SLCO3A1: variants seen among roughly 807,000 people sequenced by gnomAD.
The protein encoded by SLCO3A1 is solute carrier organic anion transporter family member 3A1, also known as PGE1 transporter.
A neutral mutation model predicts 63.1 loss-of-function variants in SLCO3A1; 27 were observed. That is an observed-to-expected ratio of 0.43 (90% CI 0.32 to 0.59). SLCO3A1 has a LOEUF of 0.59. SLCO3A1 is among the 20% of genes least tolerant of loss of function. The pLI, the probability that SLCO3A1 is intolerant of heterozygous loss-of-function variation, is 0.09. For synonymous variants in SLCO3A1, 473 were observed against 409.9 expected (o/e 1.15, Z -1.86); for missense variants, 773 against 945.8 (o/e 0.82, Z 2.40).
intron 7 of SLCO3A1, among the ~76,000 whole-genome samples, chr15:92,130,898 A>C (rs1388098942): frequency 6.6e-6 from 1 of 151,638 alleles, no homozygotes; most frequent in Non-Finnish European, 1.5e-5. Context: ...AAAAAAAAAA[A>C]AAAAAAAAAA....
Position 91,863,545 on chromosome 15 carries a change from GT to G in SLCO3A1, c.180+9458del, listed in dbSNP as rs1897096814. ...GTGGGATGCTTTGCATAAGCAGCAT[GT>G]ATTCCAGTGTGGCACATCACACCAT... On this transcript the variant is annotated intron_variant, in intron 1 of 9. Transcript: ENST00000318445. This position sits in a 1 kb window ranked among gnomAD's most constrained non-coding sequence, Gnocchi z 4.3. 6.6e-6 allele frequency among the ~76,000 whole-genome samples: 1 copy of G among 152,236 alleles called. No individual in the cohort carries two copies. Among genetic ancestry groups the G allele is most frequent in the Admixed American group, 6.5e-5 (1 of 15,284 alleles).
intron 4 of SLCO3A1, among the ~76,000 whole-genome samples, chr15:92,106,713 G>T (rs1015553784): frequency 2.0e-5 from 3 of 152,184 alleles, no homozygotes; most frequent in African/African-American, 4.8e-5. Context: ...ACAGGACCAG[G>T]TCTGCAAGTC....
At chr15:92,171,884 C>G (rs1460525499) in exon 11 of SLCO3A1, 24 of 1,535,678 alleles carry the variant, frequency 1.6e-5, no homozygotes, top group Non-Finnish European at 2.0e-5. Flanking sequence ...TCTTCCTCTT[C>G]CTGGAGAGAA....
At chr15:92,117,722 C>T (rs1303014059) in intron 4 of SLCO3A1, among the ~76,000 whole-genome samples, 1 of 152,182 alleles carries the variant, frequency 6.6e-6, no homozygotes, top group East Asian at 1.9e-4. Flanking sequence ...GAACGTGCCA[C>T]ACAGTATAGC....
chr15:91,874,656 G>A lies in SLCO3A1; in HGVS notation c.180+20568G>A, dbSNP rs139968449. On this transcript the variant is annotated intron_variant, in intron 1 of 9. Transcript: ENST00000318445. ...CAGTCGTCTGTCGATGGACACTTCCGTTGCTTCCACATGTTGGCTATTGTG... is the reference window on the plus strand; with the variant it reads ...CAGTCGTCTGTCGATGGACACTTCCATTGCTTCCACATGTTGGCTATTGTG... Among the ~76,000 whole-genome samples, 726 of 152,278 alleles carry A rather than the reference G, an allele frequency of 4.8e-3. 5 individuals are homozygous for A. The highest frequency in any genetic ancestry group is 0.017 in the African/African-American group (695 of 41,534).
At chr15:91,899,720 C>T (rs145221761) in intron 1 of SLCO3A1, among the ~76,000 whole-genome samples, 1 of 152,266 alleles carries the variant, frequency 6.6e-6, no homozygotes, top group East Asian at 1.9e-4. Context: ...AGTTTTAAAA[C>T]ATTCCATCCT....
chr15:92,018,149 C>T (rs2046462705), intron 2 of SLCO3A1, among the ~76,000 whole-genome samples: 1 of 152,180 alleles, frequency 6.6e-6, no homozygotes, highest in African/African-American at 2.4e-5. Flanking sequence ...GATGTGAGGC[C>T]AGGCCTTGGG....
intron 2 of SLCO3A1, among the ~76,000 whole-genome samples, chr15:92,053,565 C>G (rs935290339): frequency 1.3e-5 from 2 of 152,144 alleles, no homozygotes; most frequent in African/African-American, 4.8e-5. Flanking sequence ...TTTGGCTCCT[C>G]TTGGCTGTGA....
chr15:92,076,091 C>T (rs1166858062), intron 2 of SLCO3A1, among the ~76,000 whole-genome samples: 1 of 152,218 alleles, frequency 6.6e-6, no homozygotes, highest in Non-Finnish European at 1.5e-5. Flanking sequence ...TTTCACCAGG[C>T]TTCAAAATCA....
rs1287369592 is a variant in SLCO3A1, at chr15:91,885,988, C to G, written c.181-30005C>G. On this transcript the variant is annotated intron_variant, in intron 1 of 9. Coordinates refer to ENST00000318445, the MANE Select transcript of SLCO3A1 (RefSeq NM_013272.4). The surrounding 1 kb of genome is among the most constrained non-coding windows in gnomAD (Gnocchi z 4.7). ...TCTAGCAGAGAGGGTGAGAGGGAGG[C>G]AGGGGAAGATGAAAGCAGAGAGGTG... 1.3e-5 allele frequency among the ~76,000 whole-genome samples: 2 copies of G among 152,024 alleles called. No homozygotes were observed. Among genetic ancestry groups the G allele is most frequent in the Non-Finnish European group, 2.9e-5 (2 of 68,002 alleles).
intron 2 of SLCO3A1, among the ~76,000 whole-genome samples, chr15:91,926,596 T>TGTGTGTGTGTGGGCGCGC: frequency 9.5e-6 from 1 of 105,254 alleles, no homozygotes; most frequent in African/African-American, 3.7e-5. Flanking sequence ...TGTGTGTGTG[T>TGTGTGTGTGTGGGCGCGC]GCGCGCGCGC....
intron 2 of SLCO3A1, among the ~76,000 whole-genome samples, chr15:91,953,878 A>G (rs1440365744): frequency 6.6e-6 from 1 of 152,100 alleles, no homozygotes; most frequent in Non-Finnish European, 1.5e-5. Flanking sequence ...TTGGAACTAT[A>G]TCTTCCTTCT....
intron 2 of SLCO3A1, among the ~76,000 whole-genome samples, chr15:91,946,977 G>A (rs546121222): frequency 6.6e-6 from 1 of 152,200 alleles, no homozygotes; most frequent in Non-Finnish European, 1.5e-5. Flanking sequence ...GACAGGATGA[G>A]TCAATGGTGC....
intron 2 of SLCO3A1, among the ~76,000 whole-genome samples, chr15:92,087,742 C>T (rs1430462860): frequency 6.6e-6 from 1 of 152,148 alleles, no homozygotes; most frequent in East Asian, 1.9e-4. Flanking sequence ...TGGCCTTGAA[C>T]TCCCAACCTC....
intron 1 of SLCO3A1, among the ~76,000 whole-genome samples, chr15:91,907,466 A>G (rs1898347254): frequency 6.6e-6 from 1 of 151,788 alleles, no homozygotes. Context: ...TTGGCCTCCC[A>G]AAGTGCTAGG....
At chr15:92,159,399 C>A (rs2048409396) in intron 9 of SLCO3A1, among the ~76,000 whole-genome samples, 2 of 151,842 alleles carry the variant, frequency 1.3e-5, no homozygotes, top group African/African-American at 4.8e-5. Flanking sequence ...GCAGGAAAAT[C>A]ACTTGAGCCC....
intron 2 of SLCO3A1, among the ~76,000 whole-genome samples, chr15:91,929,593 T>G (rs1442368492): frequency 6.6e-6 from 1 of 152,226 alleles, no homozygotes; most frequent in Admixed American, 6.5e-5. Flanking sequence ...CATTTTCAGC[T>G]GTACAGTTTG....
chr15:92,103,384 T>G (rs1483818174), intron 3 of SLCO3A1, among the ~76,000 whole-genome samples: 1 of 152,200 alleles, frequency 6.6e-6, no homozygotes, highest in Non-Finnish European at 1.5e-5. Flanking sequence ...TATGTTCTTG[T>G]GACTTAGCTG....
At chr15:91,919,573 G>C (rs56358895) in intron 2 of SLCO3A1, among the ~76,000 whole-genome samples, 13,020 of 152,270 alleles carry the variant, frequency 0.086, 644 homozygotes, top group Non-Finnish European at 0.1. Context: ...TACTGAGGTC[G>C]GAGAATCCAT....
Sources: gnomAD v4.1 joint callset for allele counts (sites outside exome capture counted in the v4.1 genomes callset) on GRCh38, gnomAD v4.1.1 for gene constraint, Gnocchi (gnomAD v3.1) non-coding constraint, MANE v1.5 for transcripts, NCBI Gene and HGNC (gene_info 2026-07-23, HGNC 2026-07-21) for gene names.